Variants in NOXA1 observed in about 807,000 individuals in gnomAD.
NOXA1 encodes NADPH oxidase activator 1.
Under a neutral mutation model 64.8 loss-of-function variants are expected in NOXA1, and 56 were observed. The ratio of observed to expected loss-of-function variants is 0.86; its 90% CI spans 0.70 to 1.08. NOXA1 has a LOEUF of 1.08. Among genes scored for constraint, NOXA1 ranks in the 50% least tolerant of loss-of-function variants. NOXA1 has a pLI of 0.00. For missense variants in NOXA1, 668 were observed against 658.5 expected (o/e 1.01, Z -0.16); for synonymous variants, 295 against 294.8 (o/e 1.00, Z -0.01).
Position 137,434,257 on chromosome 9 carries a change from G to T in NOXA1, c.1328G>T (p.Gly443Val). Reference sequence around the variant, plus strand: ...GCATGGCTGGAGGGCCACTGTGACGGCCGCATCGGCATCTTCCCCAAGTGC... The same window carrying T: ...GCATGGCTGGAGGGCCACTGTGACGTCCGCATCGGCATCTTCCCCAAGTGC... ...DQAWLEGHCD[G>V]RIGIFPKCFV... Residue 443 changes from glycine (G) to valine (V), a missense_variant, in exon 14 of 14, where the codon GGC (glycine) becomes GTC (valine). Physicochemically the swap from Gly to Val is moderately radical, Grantham distance 109. Transcript: ENST00000683555. The T allele has an allele frequency of 6.2e-7, 1 of 1,610,828 alleles. No individual in the cohort carries two copies.
Position 137,434,279 on chromosome 9 carries a change from G to A in NOXA1, c.1350G>A (p.Lys450=), listed in dbSNP as rs1395273539. 1.2e-6 allele frequency: 2 copies of A among 1,611,164 alleles called. No homozygotes were observed. Among genetic ancestry groups the A allele is most frequent in the Non-Finnish European group, 1.7e-6 (2 of 1,179,678 alleles). ...HCDGRIGIFP[K]CFVVPAGPRM... is the part of the protein sequence containing the mutation. ...ACGGCCGCATCGGCATCTTCCCCAA[G>A]TGCTTCGTGGTCCCCGCCGGCCCTC... The change falls in exon 14 of 14, where the codon AAG becomes AAA. Residue 450 remains lysine (K), a synonymous_variant. Transcript: ENST00000683555.
rs376129846 is a variant in NOXA1, at chr9:137,426,228, G to A, written c.178-20G>A. The A allele has an allele frequency of 3.8e-5, 61 of 1,611,030 alleles. No individual in the cohort carries two copies. Among genetic ancestry groups the A allele is most frequent in the Non-Finnish European group, 5.0e-5 (59 of 1,177,752 alleles). Reference sequence around the variant, plus strand: ...ACCAGGTTACAGACCTTGGCATCCCGTGGGCATTTTTGTCCCCAGGCATTT... The same window carrying A: ...ACCAGGTTACAGACCTTGGCATCCCATGGGCATTTTTGTCCCCAGGCATTT... On this transcript the variant is annotated intron_variant, in intron 1 of 13. Coordinates refer to ENST00000683555, the MANE Select transcript of NOXA1 (RefSeq NM_001256067.2).
At position 137,434,207 on chromosome 9, in the gene NOXA1, C is replaced by G; in HGVS notation, c.1295-17C>G. ...CGCCTGGGTAACGCCCTGCAGAGCC[C>G]GATGTCCCCCTTGCAGTGGACCAGG... is the stretch of plus-strand genomic sequence containing the variant. On this transcript the variant is annotated splice_polypyrimidine_tract_variant and intron_variant, in intron 13 of 13. Coordinates refer to ENST00000683555, the MANE Select transcript of NOXA1 (RefSeq NM_001256067.2). 6.2e-7 allele frequency: 1 copy of G among 1,602,598 alleles called. No homozygotes were observed. The highest frequency in any genetic ancestry group is 1.3e-5 in the African/African-American group (1 of 74,830).
intron 1 of NOXA1, among the ~76,000 whole-genome samples, chr9:137,425,449 G>A (rs976051216): frequency 8.6e-5 from 13 of 151,988 alleles, no homozygotes; most frequent in African/African-American, 2.4e-4. Context: ...GCAGTGGTGC[G>A]ATCTTGGCTC....
At position 137,434,364 on chromosome 9, in the gene NOXA1, T is replaced by C. The variant is rs1207233649; in HGVS notation, c.*4T>C. 1 of 1,580,896 alleles carries C rather than the reference T, an allele frequency of 6.3e-7. No homozygotes were observed. ...CCAGCAGGGAGATCAGCCCTAATGA[T>C]GCTGTGTCCATGATGCTTTTAATAA... On this transcript the variant is annotated 3_prime_UTR_variant, in exon 14 of 14. Coordinates refer to ENST00000683555, the MANE Select transcript of NOXA1 (RefSeq NM_001256067.2).
chr9:137,429,078 A>AT (rs1484405718), intron 4 of NOXA1, 62 bp downstream of exon 4: 2 of 1,453,432 alleles, frequency 1.4e-6, no homozygotes, highest in Non-Finnish European at 1.8e-6. Context: ...CTCAAGACCA[A>AT]TTTCATGAGA....
At position 137,434,270 on chromosome 9, in the gene NOXA1, C is replaced by G. The variant is rs758061575; in HGVS notation, c.1341C>G (p.Ile447Met). 1.2e-6 allele frequency: 2 copies of G among 1,611,118 alleles called. No homozygotes were observed. Among genetic ancestry groups the G allele is most frequent in the Non-Finnish European group, 1.7e-6 (2 of 1,179,656 alleles). ...GCCACTGTGACGGCCGCATCGGCAT[C>G]TTCCCCAAGTGCTTCGTGGTCCCCG... is the stretch of plus-strand genomic sequence containing the variant. The part of the protein sequence containing the change: ...LEGHCDGRIG[I>M]FPKCFVVPAG... Residue 447 changes from isoleucine (I) to methionine (M), a missense_variant, in exon 14 of 14, where the codon ATC becomes ATG. Ile to Met is a conservative substitution (Grantham distance 10, BLOSUM62 1). Coordinates refer to ENST00000683555, the MANE Select transcript of NOXA1 (RefSeq NM_001256067.2).
chr9:137,430,754 C>T (rs532734083), intron 5 of NOXA1, 30 bp from the exon 6 acceptor site: 8 of 1,580,942 alleles, frequency 5.1e-6, no homozygotes, highest in Admixed American at 1.7e-5. Flanking sequence ...CCGCTGATCC[C>T]TGACCCAGCG....
chr9:137,434,248 A>G lies in NOXA1; in HGVS notation c.1319A>G (p.His440Arg). ...GTGGACCAGGCATGGCTGGAGGGCC[A>G]CTGTGACGGCCGCATCGGCATCTTC... The part of the protein sequence containing the change: ...CEVDQAWLEG[H>R]CDGRIGIFPK... Residue 440 changes from histidine to arginine, a missense_variant, in exon 14 of 14, where the codon CAC becomes CGC. Coordinates refer to ENST00000683555, the MANE Select transcript of NOXA1 (RefSeq NM_001256067.2). 6.2e-7 allele frequency: 1 copy of G among 1,610,668 alleles called. No individual in the cohort carries two copies. The highest frequency in any genetic ancestry group is 8.5e-7 in the Non-Finnish European group (1 of 1,179,526).
Position 137,431,393 on chromosome 9 carries a change from T to G in NOXA1, c.804+52T>G. 2.1e-6 allele frequency: 3 copies of G among 1,434,192 alleles called. No individual in the cohort carries two copies. Among genetic ancestry groups the G allele is most frequent in the Non-Finnish European group, 2.9e-6 (3 of 1,030,838 alleles). 88.8% of individuals were successfully genotyped at this position (1,434,192 alleles called of 1,614,324 possible). ...GCTGGGGGTCGGTGCTTCTGCTGCCTCCGCAGACTGGGGACCACAATGGGA... is the reference window on the plus strand; with the variant it reads ...GCTGGGGGTCGGTGCTTCTGCTGCCGCCGCAGACTGGGGACCACAATGGGA... On this transcript the variant is annotated intron_variant, in intron 8 of 13. Transcript: ENST00000683555. This position sits in a 1 kb window ranked among gnomAD's most constrained non-coding sequence, Gnocchi z 5.6.
In NOXA1 at chr9:137,429,485, C is replaced by T. The variant is rs989139884; in HGVS notation, c.612+102C>T. 57 of 828,266 alleles carry T rather than the reference C, an allele frequency of 6.9e-5. No homozygotes were observed. The African/African-American group carries it at 7.7e-4, about 11-fold the overall frequency. The allele number at this position is 828,266 out of a possible 1,614,324, so 51.3% of individuals were successfully genotyped here. On this transcript the variant is annotated intron_variant, in intron 5 of 13. Coordinates refer to ENST00000683555, the MANE Select transcript of NOXA1 (RefSeq NM_001256067.2). ...GGTGCAGTCCAGGCCACCGTAAGGG[C>T]CAGGAGGGTAGAGAGTGGGCCCACA...
At chr9:137,428,265 C>A in intron 3 of NOXA1, 124 bp downstream of exon 3, 1 of 678,188 alleles carries the variant, frequency 1.5e-6, no homozygotes, top group Non-Finnish European at 2.5e-6. Flanking sequence ...CCATGGAATA[C>A]CCTGGCCACT....
Position 137,434,088 on chromosome 9 carries a change from G to A in NOXA1, c.1294+9G>A, listed in dbSNP as rs1433897966. ...GGACGTCCTGTGTGAAGGTAGGGTG[G>A]GCATGGCCCTTCCCAGGCAGCACCG... is the stretch of plus-strand genomic sequence containing the variant. On this transcript the variant is annotated intron_variant, in intron 13 of 13. Transcript: ENST00000683555. The A allele has an allele frequency of 2.5e-6, 4 of 1,583,696 alleles. No homozygotes were observed. The highest frequency in any genetic ancestry group is 2.2e-5 in the South Asian group (2 of 89,716).
chr9:137,429,248 G>A lies in NOXA1; in HGVS notation c.505-28G>A, dbSNP rs549191077. The A allele has an allele frequency of 7.4e-6, 11 of 1,489,632 alleles. No individual in the cohort carries two copies. In the East Asian group the frequency reaches 2.5e-4, roughly 33 times the overall value. The allele number at this position is 1,489,632 out of a possible 1,614,324, so 92.3% of individuals were successfully genotyped here. A position where few individuals can be genotyped will look rare whatever the true frequency, so the allele number is the denominator to read the frequency against. ...GCAGGCCTGGTTGGTCACCCCGTCT[G>A]CATCTGCTGGATACCCACCCCCTCC... On this transcript the variant is annotated intron_variant, in intron 4 of 13. Coordinates refer to ENST00000683555, the MANE Select transcript of NOXA1 (RefSeq NM_001256067.2).
intron 8 of NOXA1, among the ~76,000 whole-genome samples, chr9:137,432,399 G>A (rs2131892008): frequency 6.6e-6 from 1 of 152,188 alleles, no homozygotes. Flanking sequence ...CTAACATGGT[G>A]AAACCCTGTC....
chr9:137,429,134 T>A, intron 4 of NOXA1, 118 bp downstream of exon 4: 1 of 1,294,324 alleles, frequency 7.7e-7, no homozygotes, highest in Admixed American at 3.1e-5. Flanking sequence ...CAGTTTCGGG[T>A]GCCAGGCGGG....
rs368888843 is a variant in NOXA1, at chr9:137,429,362, G to A, written c.591G>A (p.Val197=). The A allele has an allele frequency of 9.5e-6, 15 of 1,581,154 alleles. No homozygotes were observed. Among genetic ancestry groups the A allele is most frequent in the African/African-American group, 1.3e-5 (1 of 74,584 alleles). ...HRWHLKHLEP[V]DFLGKAKVVA... ...GGCACCTGAAGCACTTGGAGCCCGTGGATTTCCTGGGCAAGGCCAAGGTAA... is the reference window on the plus strand; with the variant it reads ...GGCACCTGAAGCACTTGGAGCCCGTAGATTTCCTGGGCAAGGCCAAGGTAA... Residue 197 remains valine (V), a synonymous_variant, in exon 5 of 14, where the codon GTG becomes GTA. Coordinates refer to ENST00000683555, the MANE Select transcript of NOXA1 (RefSeq NM_001256067.2).
At position 137,423,456 on chromosome 9, in the gene NOXA1, GCGC is replaced by G; in HGVS notation, c.-66_-64del. On this transcript the variant is annotated 5_prime_UTR_variant, in exon 1 of 14. Coordinates refer to ENST00000683555, the MANE Select transcript of NOXA1 (RefSeq NM_001256067.2). ...CCCGCCTCGGAGACCCCGCAGCCCC[GCGC>G]CGCCGCCTGGCCCCGGCCCCGGCCC... 1 of 1,047,440 alleles carries G rather than the reference GCGC, an allele frequency of 9.5e-7. No homozygotes were observed. Among genetic ancestry groups the G allele is most frequent in the Non-Finnish European group, 1.2e-6 (1 of 833,510 alleles). 64.9% of individuals were successfully genotyped at this position (1,047,440 alleles called of 1,614,324 possible). A position where few individuals can be genotyped will look rare whatever the true frequency, so the allele number is the denominator to read the frequency against.
At chr9:137,426,205 C>A in intron 1 of NOXA1, 43 bp from the exon 2 acceptor site, 1 of 1,544,950 alleles carries the variant, frequency 6.5e-7, no homozygotes, top group East Asian at 2.2e-5. Context: ...GCTGCGTGAC[C>A]AGGTTACAGA....
Sources: gnomAD v4.1 joint callset for allele counts (sites outside exome capture counted in the v4.1 genomes callset) on GRCh38, gnomAD v4.1.1 for gene constraint, Gnocchi (gnomAD v3.1) non-coding constraint, MANE v1.5 for transcripts, NCBI Gene and HGNC (gene_info 2026-07-23, HGNC 2026-07-21) for gene names.